Variants in SH3GL2 observed in about 807,000 individuals in gnomAD.
SH3GL2 encodes endophilin-A1.
In SH3GL2, 24 loss-of-function variants were observed where a neutral mutation model predicts 46.0. The observed-to-expected ratio is 0.52, with a 90% CI of 0.38 to 0.73. The LOEUF (loss-of-function observed/expected upper bound fraction) is 0.73. Ranked by LOEUF, SH3GL2 falls within the 30% of genes least tolerant of loss-of-function variation. The pLI, the probability that SH3GL2 is intolerant of heterozygous loss-of-function variation, is 0.00. For missense variants in SH3GL2, 413 were observed against 424.2 expected (o/e 0.97, Z 0.23); for synonymous variants, 196 against 147.1 (o/e 1.33, Z -2.40).
At chr9:17,714,970 T>C (rs1033325388) in intron 1 of SH3GL2, among the ~76,000 whole-genome samples, 10 of 151,888 alleles carry the variant, frequency 6.6e-5, no homozygotes, top group African/African-American at 2.4e-4. Flanking sequence ...ATGTTGCCTG[T>C]GTTTTTGGAA....
At chr9:17,720,338 G>A (rs757561524) in intron 1 of SH3GL2, among the ~76,000 whole-genome samples, 3 of 152,072 alleles carry the variant, frequency 2.0e-5, no homozygotes, top group Admixed American at 6.6e-5. Flanking sequence ...AACAGAGTTC[G>A]ACTGAGCAAA....
intron 2 of SH3GL2, among the ~76,000 whole-genome samples, chr9:17,747,894 G>A (rs1255452097): frequency 2.0e-5 from 3 of 152,002 alleles, no homozygotes; most frequent in East Asian, 1.9e-4. Flanking sequence ...GGCTGGTCTC[G>A]AACTCCTAAC....
At chr9:17,737,824 A>T (rs902370534) in intron 1 of SH3GL2, among the ~76,000 whole-genome samples, 3 of 151,290 alleles carry the variant, frequency 2.0e-5, no homozygotes, top group African/African-American at 7.3e-5. Context: ...CTGGCAACAC[A>T]CTCTCCTGTG....
intron 1 of SH3GL2, among the ~76,000 whole-genome samples, chr9:17,666,752 G>T (rs1416148478): frequency 1.3e-5 from 2 of 152,004 alleles, no homozygotes; most frequent in African/African-American, 4.8e-5. Context: ...AATATTGGAG[G>T]TGAATATTTT....
intron 1 of SH3GL2, among the ~76,000 whole-genome samples, chr9:17,662,501 A>C (rs914734410): frequency 6.6e-6 from 1 of 152,000 alleles, no homozygotes; most frequent in African/African-American, 2.4e-5. Context: ...TTATTGAGCA[A>C]CCTTGCATAC....
chr9:17,771,841 A>G (rs969254906), intron 3 of SH3GL2, among the ~76,000 whole-genome samples: 4 of 152,230 alleles, frequency 2.6e-5, no homozygotes, highest in Non-Finnish European at 4.4e-5. Context: ...TATAAATACC[A>G]TTATTTGGGT....
At chr9:17,658,807 C>G (rs527569312) in intron 1 of SH3GL2, among the ~76,000 whole-genome samples, 25 of 152,160 alleles carry the variant, frequency 1.6e-4, no homozygotes, top group Non-Finnish European at 3.1e-4. Context: ...ACTGACTCCC[C>G]CAAGATGCCC....
intron 1 of SH3GL2, among the ~76,000 whole-genome samples, chr9:17,741,185 A>G (rs1476051801): frequency 1.3e-5 from 2 of 152,196 alleles, no homozygotes; most frequent in African/African-American, 4.8e-5. Flanking sequence ...TTCTGTTTTA[A>G]TATGAGTAAA....
rs774811584 is a variant in SH3GL2, at chr9:17,747,092, T to C, written c.72T>C (p.Ala24=). Residue 24 remains alanine, a synonymous_variant, in exon 2 of 9, where the codon GCT becomes GCC. Coordinates refer to ENST00000380607, the MANE Select transcript of SH3GL2 (RefSeq NM_003026.5). ...TQKVSEKVGG[A]EGTKLDDDFK... ...AAGTGAGTGAGAAGGTTGGAGGAGCTGAAGGAACCAAGCTAGATGATGACT... is the reference window on the plus strand; with the variant it reads ...AAGTGAGTGAGAAGGTTGGAGGAGCCGAAGGAACCAAGCTAGATGATGACT... The C allele has an allele frequency of 1.9e-6, 3 of 1,610,058 alleles. No homozygotes were observed. In the Admixed American group the frequency reaches 5.0e-5, roughly 27 times the overall value.
intron 1 of SH3GL2, among the ~76,000 whole-genome samples, chr9:17,588,577 A>T (rs1588158149): frequency 6.6e-6 from 1 of 152,154 alleles, no homozygotes; most frequent in African/African-American, 2.4e-5. Flanking sequence ...AGGAGCAGAA[A>T]TCAGCTCTTT....
At chr9:17,671,551 A>G (rs1312984790) in intron 1 of SH3GL2, among the ~76,000 whole-genome samples, 1 of 152,152 alleles carries the variant, frequency 6.6e-6, no homozygotes, top group African/African-American at 2.4e-5. Context: ...TTTCCATGGT[A>G]CGATTATCAC....
intron 1 of SH3GL2, among the ~76,000 whole-genome samples, chr9:17,657,346 TAGG>T (rs1373255671): frequency 5.3e-5 from 8 of 152,118 alleles, no homozygotes; most frequent in Admixed American, 3.3e-4. Flanking sequence ...TGGAGCATGA[TAGG>T]AGAGAGAGAG....
intron 1 of SH3GL2, among the ~76,000 whole-genome samples, chr9:17,727,636 A>G (rs1246432125): frequency 6.6e-6 from 1 of 152,086 alleles, no homozygotes; most frequent in East Asian, 1.9e-4. Flanking sequence ...GGATTAACAC[A>G]CTGGAGGCAA....
intron 3 of SH3GL2, among the ~76,000 whole-genome samples, chr9:17,785,979 A>C (rs1223763822): frequency 6.6e-6 from 1 of 152,194 alleles, no homozygotes; most frequent in Non-Finnish European, 1.5e-5. Context: ...GAATTGAACT[A>C]TAAAACTAGA....
intron 1 of SH3GL2, among the ~76,000 whole-genome samples, chr9:17,608,908 A>G (rs1196684372): frequency 6.6e-6 from 1 of 152,254 alleles, no homozygotes; most frequent in Non-Finnish European, 1.5e-5. Flanking sequence ...TTCATTTACA[A>G]TAATTAAAAA....
intron 1 of SH3GL2, among the ~76,000 whole-genome samples, chr9:17,698,982 C>A (rs1374319239): frequency 2.6e-5 from 4 of 151,814 alleles, no homozygotes; most frequent in Non-Finnish European, 5.9e-5. Context: ...TGGTGAAACC[C>A]CGTCTCTACT....
In SH3GL2 at chr9:17,761,529, G is replaced by A; in HGVS notation, c.187+20G>A. 7.2e-7 allele frequency: 1 copy of A among 1,390,342 alleles called. No individual in the cohort carries two copies. The highest frequency in any genetic ancestry group is 1.0e-6 in the Non-Finnish European group (1 of 975,592). 86.1% of individuals were successfully genotyped at this position (1,390,342 alleles called of 1,614,324 possible). A position where few individuals can be genotyped will look rare whatever the true frequency, so the allele number is the denominator to read the frequency against. ...ATCCAGGTAAGGCATCATCTTATAT[G>A]TTTAAAGGATCCCTCGAGGTAACTT... On this transcript the variant is annotated intron_variant, in intron 3 of 8. Transcript: ENST00000380607.
chr9:17,708,574 T>A (rs1821536052), intron 1 of SH3GL2, among the ~76,000 whole-genome samples: 1 of 152,040 alleles, frequency 6.6e-6, no homozygotes, highest in Admixed American at 6.6e-5. Flanking sequence ...CGTTATACTT[T>A]ATTTATAAAC....
At chr9:17,724,224 G>A (rs1402432605) in intron 1 of SH3GL2, among the ~76,000 whole-genome samples, 2 of 151,968 alleles carry the variant, frequency 1.3e-5, no homozygotes, top group South Asian at 2.1e-4. Context: ...TGTATCATCA[G>A]GTTTGTTGAT....
Sources: allele counts gnomAD v4.1 joint callset (sites outside exome capture counted in the v4.1 genomes callset), GRCh38; gene constraint gnomAD v4.1.1; transcripts MANE v1.5; gene names NCBI Gene and HGNC (gene_info 2026-07-23, HGNC 2026-07-21).